Variants in CREBBP observed in about 807,000 individuals in gnomAD.
CREBBP encodes the protein CREB binding lysine acetyltransferase.
A neutral mutation model predicts 265.0 loss-of-function variants in CREBBP; 19 were observed. The observed-to-expected ratio is 0.07, with a 90% confidence interval of 0.05 to 0.11. The LOEUF (loss-of-function observed/expected upper bound fraction) is 0.11, where lower values mean the gene tolerates loss of function less well. Ranked by LOEUF, CREBBP falls within the 10% of genes least tolerant of loss-of-function variation. CREBBP has a pLI of 1.00. For missense variants in CREBBP, 2,525 were observed against 3,219.0 expected (o/e 0.78, Z 5.22); for synonymous variants, 1,457 against 1,223.7 (o/e 1.19, Z -3.98).
intron 2 of CREBBP, among the ~76,000 whole-genome samples, chr16:3,849,470 T>C (rs2141484779): frequency 2.4e-5 from 3 of 127,434 alleles, no homozygotes; most frequent in African/African-American, 5.7e-5. Context: ...TGTGTGTGTG[T>C]GTGTGTGTGT....
intron 2 of CREBBP, among the ~76,000 whole-genome samples, chr16:3,815,310 C>T (rs911428206): frequency 6.6e-6 from 1 of 152,066 alleles, no homozygotes; most frequent in Non-Finnish European, 1.5e-5. Flanking sequence ...GAGGCTAAGG[C>T]AGGCGGATCA....
intron 1 of CREBBP, among the ~76,000 whole-genome samples, chr16:3,860,779 A>G (rs1178183100): frequency 6.6e-6 from 1 of 152,070 alleles, no homozygotes; most frequent in African/African-American, 2.4e-5. Context: ...GGAAGGATTC[A>G]CAGTGTTGTT....
chr16:3,770,306 T>C lies in CREBBP; in HGVS notation c.2880+264A>G, dbSNP rs201748739. Among the ~76,000 whole-genome samples the C allele has an allele frequency of 2.0e-5, 3 of 152,270 alleles. No homozygotes were observed. In the East Asian group the frequency reaches 5.8e-4, roughly 29 times the overall value. On this transcript the variant is annotated intron_variant, in intron 14 of 30. Coordinates refer to ENST00000262367, the MANE Select transcript of CREBBP (RefSeq NM_004380.3). ...AAGTGATCTTCCCACCTAAGCCTTCTGAGTGGCTGGGACTACAGGACTACA... is the reference window on the plus strand; with the variant it reads ...AAGTGATCTTCCCACCTAAGCCTTCCGAGTGGCTGGGACTACAGGACTACA...
In CREBBP at chr16:3,863,086, G is replaced by A. The variant is rs1171691220; in HGVS notation, c.86-12077C>T. The stretch of plus-strand genomic sequence containing the variant: ...TAAAAATTACAGAACCTTAGAAACT[G>A]TAATGTGAATCAGAAGGGAAATACT... On this transcript the variant is annotated intron_variant, in intron 1 of 30. Coordinates refer to ENST00000262367, the MANE Select transcript of CREBBP (RefSeq NM_004380.3). Among the ~76,000 whole-genome samples, 3 of 152,178 alleles carry A rather than the reference G, an allele frequency of 2.0e-5. No homozygotes were observed. The East Asian group carries it at 5.8e-4, about 29-fold the overall frequency.
intron 1 of CREBBP, among the ~76,000 whole-genome samples, chr16:3,852,595 A>C (rs1046404192): frequency 6.6e-6 from 1 of 152,220 alleles, no homozygotes; most frequent in African/African-American, 2.4e-5. Flanking sequence ...AGAAACTACA[A>C]AGAGTTAAAA....
rs774932716 is a variant in CREBBP at position 3,727,999 on chromosome 16, G to C, written c.7048C>G (p.Gln2350Glu). The C allele has an allele frequency of 2.5e-6, 4 of 1,610,434 alleles. No individual in the cohort carries two copies. Among genetic ancestry groups the C allele is most frequent in the Non-Finnish European group, 3.4e-6 (4 of 1,177,330 alleles). ...SNQVRSPAPV[Q>E]SPRPQSQPPH... ...GGCTGGGACTGGGGCCGTGGAGACT[G>C]GACAGGGGCTGGAGACCGCACCTGG... is the stretch of plus-strand genomic sequence containing the variant. Residue 2350 changes from glutamine to glutamate, a missense_variant, in exon 31 of 31, where the codon CAG (glutamine) becomes GAG (glutamate). By Grantham distance (29) the Gln-to-Glu change is conservative. This residue lies in a region of CREBBP where 473 missense variants were observed against 459.3 expected (regional missense o/e 1.03). Transcript: ENST00000262367.
intron 1 of CREBBP, among the ~76,000 whole-genome samples, chr16:3,852,875 C>T (rs1048201294): frequency 3.9e-5 from 6 of 151,906 alleles, no homozygotes; most frequent in Non-Finnish European, 7.4e-5. Context: ...TCATTTCCCA[C>T]GCACTCTAAC....
intron 21 of CREBBP, among the ~76,000 whole-genome samples, chr16:3,748,865 G>A (rs1353952409): frequency 6.6e-6 from 1 of 152,214 alleles, no homozygotes; most frequent in Non-Finnish European, 1.5e-5. Context: ...GCTTAACAGG[G>A]CCGGGCGCGG....
At chr16:3,823,470 A>T (rs1203901204) in intron 2 of CREBBP, among the ~76,000 whole-genome samples, 7 of 152,196 alleles carry the variant, frequency 4.6e-5, no homozygotes, top group Non-Finnish European at 7.3e-5. Context: ...TGGCTAGAAG[A>T]CATTTCAAGG....
chr16:3,862,710 A>G (rs1325803532), intron 1 of CREBBP, among the ~76,000 whole-genome samples: 1 of 152,084 alleles, frequency 6.6e-6, no homozygotes, highest in African/African-American at 2.4e-5. Context: ...CACTGTATCG[A>G]ATTCGTACCT....
Position 3,850,594 on chromosome 16 carries a change from G to A in CREBBP, c.501C>T (p.Ala167=), listed in dbSNP as rs376613398. ...AGATACCAGGTCCAGTCTGTGACGT[G>A]GCAGGGCTGCTAGTCGCCAGCCCCA... is the stretch of plus-strand genomic sequence containing the variant. ...KQVGLATSSP[A]TSQTGPGICM... is the part of the protein sequence containing the mutation. Residue 167 remains alanine (A), a synonymous_variant, in exon 2 of 31, where the codon GCC becomes GCT. Transcript: ENST00000262367. The A allele has an allele frequency of 2.4e-5, 39 of 1,614,126 alleles. No individual in the cohort carries two copies. Among genetic ancestry groups the A allele is most frequent in the Non-Finnish European group, 2.9e-5 (34 of 1,180,058 alleles).
chr16:3,831,047 T>C lies in CREBBP; in HGVS notation c.798+19250A>G, dbSNP rs371517758. Among the ~76,000 whole-genome samples the C allele has an allele frequency of 7.2e-5, 11 of 152,344 alleles. No individual in the cohort carries two copies. In the South Asian group the frequency reaches 1.4e-3, roughly 20 times the overall value. ...TGTCCGCCTTGGCCTCCCAAAGTGC[T>C]GGGATTACAGGCATGAGACACTGCG... On this transcript the variant is annotated intron_variant, in intron 2 of 30. Coordinates refer to ENST00000262367, the MANE Select transcript of CREBBP (RefSeq NM_004380.3).
rs1258706330 is a variant in CREBBP, at chr16:3,850,868, C to T, written c.227G>A (p.Gly76Glu). The part of the protein sequence containing the change: ...KHKQLSELLR[G>E]GSGSSINPGI... ...TGGGTTGATACTAGAGCCGCTGCCT[C>T]CTCGTAGAAGCTCCGACAGTTGTTT... The change falls in exon 2 of 31, where the codon GGA (glycine) becomes GAA (glutamate). Residue 76 changes from glycine to glutamate, a missense_variant. By Grantham distance (98) the Gly-to-Glu change is moderately conservative. Transcript: ENST00000262367. 6.2e-7 allele frequency: 1 copy of T among 1,614,166 alleles called. No homozygotes were observed. Among genetic ancestry groups the T allele is most frequent in the Admixed American group, 1.7e-5 (1 of 60,020 alleles).
rs1567266078 is a variant in CREBBP, at chr16:3,731,956, CTG to C, written c.4729-21_4729-20del. 6.2e-7 allele frequency: 1 copy of C among 1,614,198 alleles called. No individual in the cohort carries two copies. Among genetic ancestry groups the C allele is most frequent in the Non-Finnish European group, 8.5e-7 (1 of 1,180,042 alleles). Reference sequence around the variant, plus strand: ...GACTGCCCTGCAACAACACGCAAGGCTGTGAGACCAGGCAAGTGCCCCTCCAC... The same window carrying C: ...GACTGCCCTGCAACAACACGCAAGGCTGAGACCAGGCAAGTGCCCCTCCAC... On this transcript the variant is annotated intron_variant, in intron 28 of 30. Transcript: ENST00000262367. The surrounding 1 kb of genome is among the most constrained non-coding windows in gnomAD (Gnocchi z 7.7).
intron 1 of CREBBP, among the ~76,000 whole-genome samples, chr16:3,862,663 T>C (rs1490179074): frequency 6.6e-6 from 1 of 152,172 alleles, no homozygotes; most frequent in Non-Finnish European, 1.5e-5. Context: ...CTTCCTACTG[T>C]ATCAGATCCA....
chr16:3,848,930 C>A (rs2054724697), intron 2 of CREBBP, among the ~76,000 whole-genome samples: 1 of 152,216 alleles, frequency 6.6e-6, no homozygotes, highest in Admixed American at 6.5e-5. Flanking sequence ...ACTTCATCTT[C>A]ATTTCTTAAG....
chr16:3,854,891 T>C (rs781029527), intron 1 of CREBBP, among the ~76,000 whole-genome samples: 2 of 152,256 alleles, frequency 1.3e-5, no homozygotes, highest in Admixed American at 6.5e-5. Context: ...TGTACATGCA[T>C]GTAACAGTTT....
chr16:3,831,106 T>C (rs2054335085), intron 2 of CREBBP, among the ~76,000 whole-genome samples: 1 of 152,168 alleles, frequency 6.6e-6, no homozygotes, highest in Admixed American at 6.5e-5. Context: ...GATAGAATAT[T>C]TGTCAAGAAA....
At chr16:3,797,926 G>C (rs2053639596) in intron 3 of CREBBP, among the ~76,000 whole-genome samples, 1 of 152,126 alleles carries the variant, frequency 6.6e-6, no homozygotes. Flanking sequence ...CGAGCAAATT[G>C]GTTGATCTTT....
Sources: allele counts gnomAD v4.1 joint callset (sites outside exome capture counted in the v4.1 genomes callset), GRCh38; gene constraint gnomAD v4.1.1; regional missense constraint gnomAD v4.1.1; non-coding constraint Gnocchi (gnomAD v3.1); transcripts MANE v1.5; gene names NCBI Gene and HGNC (gene_info 2026-07-23, HGNC 2026-07-21).